PIP4K2B: variants seen among roughly 807,000 people sequenced by gnomAD.
PIP4K2B encodes phosphatidylinositol-5-phosphate 4-kinase type 2 beta.
PIP4K2B carries 3 observed loss-of-function variants against 42.0 expected under a neutral mutation model. The ratio of observed to expected loss-of-function variants is 0.07; its 90% CI spans 0.03 to 0.18. The LOEUF (loss-of-function observed/expected upper bound fraction) is 0.18. Among genes scored for constraint, PIP4K2B ranks in the 10% least tolerant of loss-of-function variants. PIP4K2B has a pLI of 1.00. For synonymous variants in PIP4K2B, 204 were observed against 210.1 expected, an observed-to-expected ratio of 0.97 and a Z score of 0.25; for missense variants, 332 against 562.3, an observed-to-expected ratio of 0.59 and a Z score of 4.14.
At chr17:38,791,446 T>C (rs1910336474) in intron 1 of PIP4K2B, among the ~76,000 whole-genome samples, 1 of 140,816 alleles carries the variant, frequency 7.1e-6, no homozygotes, top group South Asian at 2.3e-4. Flanking sequence ...GATAGAGCTT[T>C]GCTCTGGTTT....
chr17:38,777,672 A>C lies in PIP4K2B; in HGVS notation c.807+15T>G. The C allele has an allele frequency of 2.6e-6, 4 of 1,538,514 alleles. No individual in the cohort carries two copies. Among genetic ancestry groups the C allele is most frequent in the Non-Finnish European group, 3.6e-6 (4 of 1,111,026 alleles). On this transcript the variant is annotated intron_variant, in intron 7 of 9. Coordinates refer to ENST00000619039, the MANE Select transcript of PIP4K2B (RefSeq NM_003559.5). ...AGAAGGAGCCTTGCAGGTGAAAATGAAGGTTAGTAAGTACCTCAACGTCCC... is the reference window on the plus strand; with the variant it reads ...AGAAGGAGCCTTGCAGGTGAAAATGCAGGTTAGTAAGTACCTCAACGTCCC...
chr17:38,788,132 G>A (rs1007737203), intron 1 of PIP4K2B, among the ~76,000 whole-genome samples: 3 of 152,084 alleles, frequency 2.0e-5, no homozygotes, highest in Admixed American at 2.0e-4. Flanking sequence ...AAAGCTGGAT[G>A]GGTTTGTGTG....
intron 1 of PIP4K2B, among the ~76,000 whole-genome samples, chr17:38,795,320 A>G (rs1306122351): frequency 6.6e-6 from 1 of 152,084 alleles, no homozygotes; most frequent in Non-Finnish European, 1.5e-5. Context: ...AAAAGATACC[A>G]ATGAAGGCTG....
intron 7 of PIP4K2B, among the ~76,000 whole-genome samples, chr17:38,771,845 G>A (rs1370985712): frequency 6.6e-6 from 1 of 152,094 alleles, no homozygotes; most frequent in African/African-American, 2.4e-5. Context: ...CCTCAGCAAC[G>A]TGATGAGACC....
intron 7 of PIP4K2B, among the ~76,000 whole-genome samples, chr17:38,771,546 C>CAAAAAAAAAAAAAAAAAAAAAAAAAAAAA (rs58817119): frequency 2.5e-5 from 1 of 39,772 alleles, no homozygotes; most frequent in Non-Finnish European, 4.7e-5. Flanking sequence ...GAGATGGTCT[C>CAAAAAAAAAAAAAAAAAAAAAAAAAAAAA]AAAAAAAAAA....
At chr17:38,793,077 T>G in intron 1 of PIP4K2B, among the ~76,000 whole-genome samples, 1 of 151,088 alleles carries the variant, frequency 6.6e-6, no homozygotes, top group East Asian at 2.0e-4. Flanking sequence ...TACAGGCGCA[T>G]GCCACCACAC....
chr17:38,773,617 T>A (rs1909162787), intron 7 of PIP4K2B, among the ~76,000 whole-genome samples: 1 of 152,178 alleles, frequency 6.6e-6, no homozygotes, highest in South Asian at 2.1e-4. Flanking sequence ...ACCACCATGT[T>A]AGGTCCTAAC....
intron 6 of PIP4K2B, 66 bp downstream of exon 6, chr17:38,778,268 G>T: frequency 1.4e-6 from 2 of 1,472,810 alleles, no homozygotes; most frequent in Non-Finnish European, 1.9e-6. Flanking sequence ...GCGAGGGACA[G>T]GATGGCCGAC....
chr17:38,772,643 G>A (rs1310728648), intron 7 of PIP4K2B, among the ~76,000 whole-genome samples: 2 of 152,164 alleles, frequency 1.3e-5, no homozygotes, highest in Non-Finnish European at 2.9e-5. Context: ...GTGCACTGGT[G>A]CAATCTCGGC....
intron 3 of PIP4K2B, among the ~76,000 whole-genome samples, chr17:38,783,263 G>A (rs1909813817): frequency 2.0e-5 from 3 of 147,112 alleles, no homozygotes; most frequent in South Asian, 2.1e-4. Context: ...TGGAAAATTC[G>A]CCCACCTTCA....
At chr17:38,792,458 T>TA (rs1333358617) in intron 1 of PIP4K2B, among the ~76,000 whole-genome samples, 1 of 152,046 alleles carries the variant, frequency 6.6e-6, no homozygotes, top group Middle Eastern at 3.4e-3. Flanking sequence ...ATTCAGCCTT[T>TA]AAAAAAAAGA....
rs186896615 is a variant in PIP4K2B, at chr17:38,777,156, C to T, written c.807+531G>A. Among the ~76,000 whole-genome samples, 262 of 152,278 alleles carry T rather than the reference C, an allele frequency of 1.7e-3. 2 individuals are homozygous for T. Among genetic ancestry groups the T allele is most frequent in the African/African-American group, 5.2e-3 (217 of 41,556 alleles). ...CACAGCTCACTGCAGCCTCATCTCC[C>T]GGGCTCAAACAATCCTTTCGCCTCA... On this transcript the variant is annotated intron_variant, in intron 7 of 9. Transcript: ENST00000619039.
Position 38,769,778 on chromosome 17 carries a change from T to C in PIP4K2B, c.1171-7A>G. 1 of 1,612,272 alleles carries C rather than the reference T, an allele frequency of 6.2e-7. No homozygotes were observed. The highest frequency in any genetic ancestry group is 8.5e-7 in the Non-Finnish European group (1 of 1,179,222). On this transcript the variant is annotated splice_polypyrimidine_tract_variant and splice_region_variant and intron_variant, in intron 9 of 9. Coordinates refer to ENST00000619039, the MANE Select transcript of PIP4K2B (RefSeq NM_003559.5). ...TCGAGATCTCGGCCCCTGCCTGTAA[T>C]ACACAAGAGGCTGATTCAGGTTGAG...
chr17:38,781,781 T>G (rs1281436533), intron 3 of PIP4K2B, among the ~76,000 whole-genome samples: 2 of 151,820 alleles, frequency 1.3e-5, no homozygotes, highest in Non-Finnish European at 2.9e-5. Flanking sequence ...CCTCCCAAAG[T>G]GCTAGGATTA....
rs977069691 is a variant in PIP4K2B at position 38,779,380 on chromosome 17, T to C, written c.654+3A>G. ...CAGCTCCGGCAAACACAGAGCCCTT[T>C]ACCTTGAGGTCATACTTGCGATGCA... On this transcript the variant is annotated splice_donor_region_variant and intron_variant, in intron 5 of 9. Transcript: ENST00000619039. The C allele has an allele frequency of 5.6e-6, 9 of 1,605,870 alleles. No homozygotes were observed. The highest frequency in any genetic ancestry group is 2.2e-5 in the East Asian group (1 of 44,656).
chr17:38,795,993 CCA>C (rs1205461407), intron 1 of PIP4K2B, among the ~76,000 whole-genome samples: 2 of 152,026 alleles, frequency 1.3e-5, no homozygotes, highest in Admixed American at 6.6e-5. Flanking sequence ...AAAAAATTAG[CCA>C]CGTGTGGTGG....
At chr17:38,782,149 G>A (rs1180464696) in intron 3 of PIP4K2B, among the ~76,000 whole-genome samples, 1 of 152,212 alleles carries the variant, frequency 6.6e-6, no homozygotes, top group Non-Finnish European at 1.5e-5. Flanking sequence ...TCCCGTTACA[G>A]AAAGGTTGAG....
At chr17:38,794,222 C>T (rs150562195) in intron 1 of PIP4K2B, among the ~76,000 whole-genome samples, 87 of 152,098 alleles carry the variant, frequency 5.7e-4, no homozygotes, top group African/African-American at 2.0e-3. Flanking sequence ...ATCAGCTAGT[C>T]GCAGAAAAAC....
chr17:38,776,627 T>TAA, intron 7 of PIP4K2B: 4 of 428,320 alleles, frequency 9.3e-6, no homozygotes, highest in African/African-American at 4.2e-5. Flanking sequence ...GAGAATCTCC[T>TAA]AAAAAAAAAC....
Sources: gnomAD v4.1 joint callset for allele counts (sites outside exome capture counted in the v4.1 genomes callset) on GRCh38, gnomAD v4.1.1 for gene constraint, MANE v1.5 for transcripts, NCBI Gene and HGNC (gene_info 2026-07-23, HGNC 2026-07-21) for gene names.